CAMKMT: variants seen among roughly 807,000 people sequenced by gnomAD.
CAMKMT encodes the protein CaM KMT.
CAMKMT carries 53 observed loss-of-function variants against 48.0 expected under a neutral mutation model. The ratio of observed to expected loss-of-function variants is 1.10; its 90% CI spans 0.89 to 1.39. The LOEUF is 1.39. Ranked by LOEUF, CAMKMT falls within the 40% of genes most tolerant of loss-of-function variation. The pLI, the probability that CAMKMT is intolerant of heterozygous loss-of-function variation, is 0.00. For missense variants in CAMKMT, 428 were observed against 402.7 expected, an observed-to-expected ratio of 1.06 and a Z score of -0.54; for synonymous variants, 165 against 152.3, an observed-to-expected ratio of 1.08 and a Z score of -0.61.
chr2:44,578,121 T>A (rs183384741), intron 3 of CAMKMT, among the ~76,000 whole-genome samples: 1 of 152,170 alleles, frequency 6.6e-6, no homozygotes, highest in Non-Finnish European at 1.5e-5. Flanking sequence ...AGGGCCCACA[T>A]GAGAGCTCAG....
At chr2:44,709,182 A>G (rs1677735267) in intron 6 of CAMKMT, among the ~76,000 whole-genome samples, 1 of 152,168 alleles carries the variant, frequency 6.6e-6, no homozygotes, top group Non-Finnish European at 1.5e-5. Context: ...TGATTGGTAC[A>G]GCCCCCTCCC....
At chr2:44,755,868 A>G (rs1193454610) in intron 9 of CAMKMT, among the ~76,000 whole-genome samples, 2 of 151,810 alleles carry the variant, frequency 1.3e-5, no homozygotes, top group East Asian at 3.9e-4. Flanking sequence ...GGTGGCACTT[A>G]CTCCTGCTAT....
intron 7 of CAMKMT, among the ~76,000 whole-genome samples, chr2:44,726,000 T>A (rs1678763833): frequency 6.6e-6 from 1 of 152,188 alleles, no homozygotes; most frequent in African/African-American, 2.4e-5. Flanking sequence ...CCCCACCTTC[T>A]AATAGTCTGC....
intron 3 of CAMKMT, among the ~76,000 whole-genome samples, chr2:44,489,731 T>C (rs967295013): frequency 6.6e-6 from 1 of 152,014 alleles, no homozygotes; most frequent in African/African-American, 2.4e-5. Context: ...AAAATAATGG[T>C]AACATATTAG....
chr2:44,761,489 T>C (rs1172970683), intron 9 of CAMKMT, among the ~76,000 whole-genome samples: 5 of 152,224 alleles, frequency 3.3e-5, no homozygotes, highest in Admixed American at 3.3e-4. Context: ...CAAAATTTTT[T>C]AGCCAGCACC....
At chr2:44,371,751 A>G (rs916824771) in intron 1 of CAMKMT, among the ~76,000 whole-genome samples, 10 of 152,170 alleles carry the variant, frequency 6.6e-5, no homozygotes, top group South Asian at 6.2e-4. Flanking sequence ...ATATTTCATT[A>G]TGAACTTATA....
intron 1 of CAMKMT, among the ~76,000 whole-genome samples, chr2:44,365,740 GA>G (rs1373968442): frequency 2.0e-4 from 30 of 152,214 alleles, no homozygotes; most frequent in African/African-American, 7.0e-4. Flanking sequence ...TAGAGTGAGA[GA>G]GGGGCAGTTC....
chr2:44,537,537 G>A (rs968653083), intron 3 of CAMKMT, among the ~76,000 whole-genome samples: 12 of 152,262 alleles, frequency 7.9e-5, no homozygotes, highest in Non-Finnish European at 1.8e-4. Context: ...ATGCTGGTGA[G>A]GATGGAGAGA....
At chr2:44,363,801 C>T (rs941447908) in intron 1 of CAMKMT, among the ~76,000 whole-genome samples, 4 of 151,452 alleles carry the variant, frequency 2.6e-5, no homozygotes, top group Non-Finnish European at 5.9e-5. Context: ...GCAATTCTCC[C>T]GTACTCAGCC....
chr2:44,541,074 A>G (rs1198887906), intron 3 of CAMKMT, among the ~76,000 whole-genome samples: 1 of 152,134 alleles, frequency 6.6e-6, no homozygotes, highest in East Asian at 1.9e-4. Flanking sequence ...TGGTCAGTCT[A>G]TTTGTGTGCC....
chr2:44,470,416 C>T (rs1274390752), intron 3 of CAMKMT, among the ~76,000 whole-genome samples: 1 of 152,176 alleles, frequency 6.6e-6, no homozygotes, highest in African/African-American at 2.4e-5. Flanking sequence ...GCAGTAGTGT[C>T]TCTCATTTTC....
At chr2:44,462,835 T>C (rs978022220) in intron 3 of CAMKMT, among the ~76,000 whole-genome samples, 13 of 152,214 alleles carry the variant, frequency 8.5e-5, no homozygotes, top group Admixed American at 2.0e-4. Flanking sequence ...CCTTTTGCTT[T>C]TTCTCCTTGC....
chr2:44,541,098 T>C (rs1667082535), intron 3 of CAMKMT, among the ~76,000 whole-genome samples: 2 of 152,208 alleles, frequency 1.3e-5, no homozygotes. Flanking sequence ...ATCACAATGT[T>C]TTAGTTATAG....
rs1670361238 is a variant in CAMKMT at position 44,508,263 on chromosome 2, T to G, written c.376+117958T>G. 3.3e-5 allele frequency among the ~76,000 whole-genome samples: 5 copies of G among 152,180 alleles called. No homozygotes were observed. In the South Asian group the frequency reaches 1.0e-3, roughly 32 times the overall value. Reference sequence around the variant, plus strand: ...GCATCAACACATGAGAGTTGCCTAATTTGCGTAAATGTAAACCTATAGCCA... The same window carrying G: ...GCATCAACACATGAGAGTTGCCTAAGTTGCGTAAATGTAAACCTATAGCCA... On this transcript the variant is annotated intron_variant, in intron 3 of 10. Coordinates refer to ENST00000378494, the MANE Select transcript of CAMKMT (RefSeq NM_024766.5).
intron 3 of CAMKMT, among the ~76,000 whole-genome samples, chr2:44,664,171 A>T (rs1258550069): frequency 1.3e-5 from 2 of 152,350 alleles, no homozygotes; most frequent in East Asian, 3.9e-4. Context: ...TGGTTTCTGA[A>T]ATTAGACATA....
chr2:44,660,650 G>A (rs1030006815), intron 3 of CAMKMT, among the ~76,000 whole-genome samples: 3 of 152,020 alleles, frequency 2.0e-5, no homozygotes, highest in Admixed American at 6.6e-5. Context: ...AGGGTCTCAC[G>A]CTGATGCCTA....
intron 3 of CAMKMT, chr2:44,393,363 C>T (rs1039797084): frequency 6.6e-6 from 1 of 152,074 alleles, no homozygotes; most frequent in Non-Finnish European, 1.5e-5. Flanking sequence ...TGAATTTCTT[C>T]GAATGTTGTG....
intron 7 of CAMKMT, among the ~76,000 whole-genome samples, chr2:44,741,944 G>A (rs772744908): frequency 2.6e-5 from 4 of 152,114 alleles, no homozygotes; most frequent in Non-Finnish European, 5.9e-5. Flanking sequence ...TTATGGAATG[G>A]TAAGATTATG....
chr2:44,566,421 A>G (rs1668618309), intron 3 of CAMKMT, among the ~76,000 whole-genome samples: 1 of 152,202 alleles, frequency 6.6e-6, no homozygotes, highest in South Asian at 2.1e-4. Flanking sequence ...TTTTTTTATG[A>G]AAAAGAATAA....
Sources: allele counts gnomAD v4.1 joint callset (sites outside exome capture counted in the v4.1 genomes callset), GRCh38; gene constraint gnomAD v4.1.1; transcripts MANE v1.5; gene names NCBI Gene and HGNC (gene_info 2026-07-23, HGNC 2026-07-21).